The following DCDC2C variants were observed in gnomAD, a reference collection of about 807,000 sequenced individuals.
The protein encoded by DCDC2C is doublecortin domain containing 2C.
In DCDC2C, 44 loss-of-function variants were observed where a neutral mutation model predicts 45.0. The ratio of observed to expected loss-of-function variants is 0.98; its 90% CI spans 0.77 to 1.26. The LOEUF is 1.26. Ranked by LOEUF, DCDC2C falls within the 50% of genes most tolerant of loss-of-function variation. The pLI, the probability that DCDC2C is intolerant of heterozygous loss-of-function variation, is 0.00. For synonymous variants in DCDC2C, 187 were observed against 178.8 expected (o/e 1.05, Z -0.37); for missense variants, 447 against 468.9 (o/e 0.95, Z 0.43).
At chr2:3,710,158 C>T (rs1464085938) in intron 2 of DCDC2C, among the ~76,000 whole-genome samples, 2 of 152,212 alleles carry the variant, frequency 1.3e-5, no homozygotes. Flanking sequence ...GATACCATCT[C>T]ACACCAGTCA....
intron 10 of DCDC2C, among the ~76,000 whole-genome samples, chr2:3,790,837 G>A (rs1241065093): frequency 3.3e-5 from 5 of 152,134 alleles, no homozygotes; most frequent in Admixed American, 2.6e-4. Flanking sequence ...GGCCGGGCGC[G>A]GTGGTTCATG....
chr2:3,705,514 G>T (rs764229872), intron 1 of DCDC2C, among the ~76,000 whole-genome samples: 1 of 152,156 alleles, frequency 6.6e-6, no homozygotes, highest in Non-Finnish European at 1.5e-5. Context: ...TGCCTTTAAA[G>T]TCCCTTTCGA....
At chr2:3,831,966 T>C (rs1046942485) in intron 10 of DCDC2C, among the ~76,000 whole-genome samples, 1 of 152,216 alleles carries the variant, frequency 6.6e-6, no homozygotes, top group Admixed American at 6.5e-5. Flanking sequence ...GAGTTCCCTA[T>C]GTCGGTTCTG....
rs76052781 is a variant in DCDC2C at position 3,726,531 on chromosome 2, G to A, written c.340-472G>A. Among the ~76,000 whole-genome samples the A allele has an allele frequency of 5.7e-3, 869 of 152,272 alleles. 4 individuals are homozygous for A. Among genetic ancestry groups the A allele is most frequent in the Non-Finnish European group, 9.2e-3 (624 of 68,006 alleles). The stretch of plus-strand genomic sequence containing the variant: ...ATTCACAGCAAACAGGAGAGAAGGC[G>A]GAGGGGCTCCCGCCTCCTGGCCAGG... On this transcript the variant is annotated intron_variant, in intron 2 of 10. Transcript: ENST00000399143.
At chr2:3,741,800 G>T in intron 3 of DCDC2C, 120 bp from the exon 4 acceptor site, 1 of 1,093,934 alleles carries the variant, frequency 9.1e-7, no homozygotes, top group Non-Finnish European at 1.3e-6. Flanking sequence ...ATGAAGTATT[G>T]GAGGCTGCTT....
chr2:3,754,957 G>T (rs1232897881), intron 6 of DCDC2C, among the ~76,000 whole-genome samples: 1 of 152,240 alleles, frequency 6.6e-6, no homozygotes, highest in Non-Finnish European at 1.5e-5. Flanking sequence ...ACTGACTCAA[G>T]CTTGGCATGA....
chr2:3,731,906 G>A (rs1183046222), intron 3 of DCDC2C, among the ~76,000 whole-genome samples: 1 of 152,120 alleles, frequency 6.6e-6, no homozygotes, highest in Non-Finnish European at 1.5e-5. Context: ...TGTGTGTATG[G>A]GATGTTTCCT....
chr2:3,784,953 A>G (rs368220190), intron 9 of DCDC2C, 106 bp from the exon 10 acceptor site: 1 of 789,314 alleles, frequency 1.3e-6, no homozygotes, highest in Non-Finnish European at 1.7e-6. Context: ...TATGAGAAAG[A>G]ATTTGACCTC....
chr2:3,724,760 C>T (rs755804491), intron 2 of DCDC2C, among the ~76,000 whole-genome samples: 8 of 152,160 alleles, frequency 5.3e-5, no homozygotes, highest in Non-Finnish European at 1.2e-4. Flanking sequence ...GTTACTACCA[C>T]TGTGTCTGAC....
chr2:3,703,598 C>CCCCCGTCCCGTCCCCGTCCCGT lies in DCDC2C; in HGVS notation c.-145_-124dup, dbSNP rs1370089273. The CCCCCGTCCCGTCCCCGTCCCGT allele has an allele frequency of 1.4e-6, 1 of 730,148 alleles. No individual in the cohort carries two copies. The highest frequency in any genetic ancestry group is 1.8e-6 in the Non-Finnish European group (1 of 540,930). 45.2% of individuals were successfully genotyped at this position (730,148 alleles called of 1,614,324 possible). A position where few individuals can be genotyped will look rare whatever the true frequency, so the allele number is the denominator to read the frequency against. On this transcript the variant is annotated 5_prime_UTR_variant, in exon 1 of 11. Transcript: ENST00000399143. The surrounding 1 kb of genome is among the most constrained non-coding windows in gnomAD (Gnocchi z 4.4). ...GCAGCCCCGTCCCGTCCCCGTCCAG[C>CCCCCGTCCCGTCCCCGTCCCGT]CCCCGTCCCGTCCCCGTCCCGTCCC...
In DCDC2C at chr2:3,836,819, G is replaced by A. The variant is rs567168641; in HGVS notation, c.1066-10335G>A. On this transcript the variant is annotated intron_variant, in intron 10 of 10. Coordinates refer to ENST00000399143, the MANE Select transcript of DCDC2C (RefSeq NM_001287444.2). ...GGAGCTTGCAGTGAGCCGAGATCGC[G>A]CCACTGCACTCCAGCCTGGGCGACA... is the stretch of plus-strand genomic sequence containing the variant. 2.7e-3 allele frequency among the ~76,000 whole-genome samples: 381 copies of A among 143,378 alleles called. 3 individuals are homozygous for A. Among genetic ancestry groups the A allele is most frequent in the African/African-American group, 9.7e-3 (371 of 38,234 alleles). The allele number at this position is 143,378 out of a possible 152,430, so 94.1% of individuals were successfully genotyped here. A position where few individuals can be genotyped will look rare whatever the true frequency, so the allele number is the denominator to read the frequency against.
At chr2:3,732,106 G>A (rs904345466) in intron 3 of DCDC2C, among the ~76,000 whole-genome samples, 3 of 152,154 alleles carry the variant, frequency 2.0e-5, no homozygotes, top group Non-Finnish European at 4.4e-5. Context: ...GAGATGGAGG[G>A]AAACAGGGAG....
At chr2:3,826,007 A>G (rs1486238846) in intron 10 of DCDC2C, among the ~76,000 whole-genome samples, 1 of 152,234 alleles carries the variant, frequency 6.6e-6, no homozygotes, top group Non-Finnish European at 1.5e-5. Flanking sequence ...CAGGAAAACA[A>G]TTCACGAGGG....
chr2:3,736,647 G>A (rs1669035648), intron 3 of DCDC2C, among the ~76,000 whole-genome samples: 1 of 152,324 alleles, frequency 6.6e-6, no homozygotes, highest in Admixed American at 6.5e-5. Context: ...CATGGTTTCT[G>A]AGCTTGCTGT....
At chr2:3,837,611 A>C (rs1672112588) in intron 10 of DCDC2C, among the ~76,000 whole-genome samples, 2 of 102,866 alleles carry the variant, frequency 1.9e-5, no homozygotes, top group African/African-American at 3.2e-5. Flanking sequence ...CTAAAGGGGA[A>C]GAAACTGAGG....
intron 10 of DCDC2C, among the ~76,000 whole-genome samples, chr2:3,822,548 ATT>A (rs34454006): frequency 0.39 from 58,167 of 149,088 alleles, 11,212 homozygotes; most frequent in South Asian, 0.48. Flanking sequence ...AATTTTGCTG[ATT>A]TTTTTTTTTC....
chr2:3,824,049 C>T (rs1231337720), intron 10 of DCDC2C, among the ~76,000 whole-genome samples: 1 of 152,206 alleles, frequency 6.6e-6, no homozygotes, highest in African/African-American at 2.4e-5. Flanking sequence ...CAGACAGAAG[C>T]CTGGATTCAG....
At chr2:3,819,918 C>A (rs1016775694) in intron 10 of DCDC2C, among the ~76,000 whole-genome samples, 1 of 152,070 alleles carries the variant, frequency 6.6e-6, no homozygotes, top group Non-Finnish European at 1.5e-5. Context: ...GGTGGGGGAG[C>A]AGAGGCTGAG....
intron 2 of DCDC2C, among the ~76,000 whole-genome samples, chr2:3,720,429 G>C (rs1346697013): frequency 1.3e-5 from 2 of 152,202 alleles, no homozygotes; most frequent in Non-Finnish European, 2.9e-5. Flanking sequence ...GAGGACATAG[G>C]AGGTCAGATG....
Sources: gnomAD v4.1 joint callset for allele counts (sites outside exome capture counted in the v4.1 genomes callset) on GRCh38, gnomAD v4.1.1 for gene constraint, Gnocchi (gnomAD v3.1) non-coding constraint, MANE v1.5 for transcripts, NCBI Gene and HGNC (gene_info 2026-07-23, HGNC 2026-07-21) for gene names.